ARHGAP8: variants seen among roughly 807,000 people sequenced by gnomAD.
The protein encoded by ARHGAP8 is Rho GTPase activating protein 8, also known as rho GTPase-activating protein 8.
In ARHGAP8, 62 loss-of-function variants were observed where a neutral mutation model predicts 46.1. The ratio of observed to expected loss-of-function variants is 1.34; its 90% CI spans 1.10 to 1.66. The LOEUF (loss-of-function observed/expected upper bound fraction) is 1.66, where lower values mean the gene tolerates loss of function less well. Ranked by LOEUF, ARHGAP8 falls within the 40% of genes most tolerant of loss-of-function variation. The pLI is 0.00. For missense variants in ARHGAP8, 923 were observed against 568.4 expected (o/e 1.62, Z -6.34); for synonymous variants, 375 against 243.1 (o/e 1.54, Z -5.05).
At chr22:44,852,494 G>C (rs569209620) in intron 10 of ARHGAP8, among the ~76,000 whole-genome samples, 93 of 152,188 alleles carry the variant, frequency 6.1e-4, no homozygotes, top group Non-Finnish European at 1.1e-3. Context: ...GCATGCCCAG[G>C]CTCCATATTT....
intron 10 of ARHGAP8, among the ~76,000 whole-genome samples, chr22:44,855,819 G>A (rs1476161209): frequency 6.6e-6 from 1 of 152,180 alleles, no homozygotes; most frequent in African/African-American, 2.4e-5. Context: ...CTGTCGCCGA[G>A]TCTGTGTTGC....
At chr22:44,860,369 CCTTCCTGGCCTCTCCCA>C in intron 11 of ARHGAP8, among the ~76,000 whole-genome samples, 1 of 152,226 alleles carries the variant, frequency 6.6e-6, no homozygotes, top group Middle Eastern at 3.4e-3. Flanking sequence ...GGAAGGTTCC[CCTTCCTGGCCTCTCCCA>C]GCTCCTGGTC....
At position 44,772,253 on chromosome 22, in the gene ARHGAP8, T is replaced by C. The variant is rs544299048; in HGVS notation, c.-71-14204T>C. On this transcript the variant is annotated intron_variant, in intron 1 of 11. Transcript: ENST00000356099. ...TTTTTTTTTTTTTTTTTTTTTTTTT[T>C]CAAGACTGAGTCTCTGTTGCCCAGG... Among the ~76,000 whole-genome samples the C allele has an allele frequency of 7.2e-3, 528 of 73,172 alleles. 6 individuals are homozygous for C. The highest frequency in any genetic ancestry group is 0.021 in the Middle Eastern group (2 of 96). The allele number at this position is 73,172 out of a possible 152,430, so 48.0% of individuals were successfully genotyped here.
chr22:44,816,062 G>A (rs1287332887), intron 5 of ARHGAP8, among the ~76,000 whole-genome samples: 3 of 152,132 alleles, frequency 2.0e-5, no homozygotes, highest in African/African-American at 7.2e-5. Context: ...CTGGGGACAG[G>A]GAGGCGCATC....
chr22:44,852,771 T>G (rs911317317), intron 10 of ARHGAP8, among the ~76,000 whole-genome samples: 6 of 152,144 alleles, frequency 3.9e-5, no homozygotes, highest in African/African-American at 1.4e-4. Context: ...GAACAAACCA[T>G]AAGTTCCGGG....
intron 7 of ARHGAP8, among the ~76,000 whole-genome samples, chr22:44,828,425 ATTTTTTTTTTT>A (rs535537198): frequency 8.5e-6 from 1 of 118,258 alleles, no homozygotes; most frequent in Non-Finnish European, 1.7e-5. Flanking sequence ...GCAGACCAGA[ATTTTTTTTTTT>A]TTTTTTTTTT....
At chr22:44,778,461 G>A (rs755412015) in intron 1 of ARHGAP8, among the ~76,000 whole-genome samples, 8 of 152,070 alleles carry the variant, frequency 5.3e-5, no homozygotes, top group Admixed American at 2.6e-4. Context: ...ACATTTTTGC[G>A]ATTGCGAATT....
At chr22:44,800,958 G>A (rs1301470124) in intron 2 of ARHGAP8, among the ~76,000 whole-genome samples, 1 of 4,384 alleles carries the variant, frequency 2.3e-4, no homozygotes, top group Non-Finnish European at 3.8e-4. Flanking sequence ...TGTGGGGGCC[G>A]CCTCTCCCCG....
chr22:44,827,835 G>T (rs1427515911), intron 7 of ARHGAP8, among the ~76,000 whole-genome samples: 10 of 152,106 alleles, frequency 6.6e-5, no homozygotes, highest in Admixed American at 1.3e-4. Flanking sequence ...GAGTGCAAAT[G>T]TGAAGTTGGC....
intron 1 of ARHGAP8, among the ~76,000 whole-genome samples, chr22:44,777,443 G>A (rs1926506885): frequency 6.6e-6 from 1 of 151,974 alleles, no homozygotes; most frequent in Non-Finnish European, 1.5e-5. Context: ...TTTCTCACTA[G>A]CCAGGTAGGT....
chr22:44,809,144 A>G (rs958380243), intron 4 of ARHGAP8: 30 of 470,908 alleles, frequency 6.4e-5, no homozygotes, highest in Non-Finnish European at 1.1e-4. Flanking sequence ...TTAAAGGGCC[A>G]GACAGTCAGC....
intron 10 of ARHGAP8, among the ~76,000 whole-genome samples, chr22:44,853,896 A>C (rs543302174): frequency 2.6e-5 from 4 of 151,750 alleles, no homozygotes; most frequent in African/African-American, 4.8e-5. Context: ...GCATGGTGGC[A>C]TGCACCTGTA....
At chr22:44,828,328 A>T in intron 7 of ARHGAP8, among the ~76,000 whole-genome samples, 1 of 151,938 alleles carries the variant, frequency 6.6e-6, no homozygotes, top group Non-Finnish European at 1.5e-5. Flanking sequence ...GCCGCCCAGG[A>T]ATGCTGGGCG....
chr22:44,772,260 TGAGTC>T (rs1926082663), intron 1 of ARHGAP8, among the ~76,000 whole-genome samples: 1 of 69,506 alleles, frequency 1.4e-5, no homozygotes, highest in Non-Finnish European at 2.8e-5. Flanking sequence ...TTTTCAAGAC[TGAGTC>T]TCTGTTGCCC....
chr22:44,822,155 C>T (rs1930196476), intron 5 of ARHGAP8, among the ~76,000 whole-genome samples: 1 of 152,136 alleles, frequency 6.6e-6, no homozygotes, highest in Admixed American at 6.5e-5. Context: ...GCCACTCCAG[C>T]GTGTTTGGTG....
At chr22:44,812,247 A>C (rs189604672) in intron 4 of ARHGAP8, among the ~76,000 whole-genome samples, 1 of 152,030 alleles carries the variant, frequency 6.6e-6, no homozygotes, top group Non-Finnish European at 1.5e-5. Context: ...CTGGAAGCTC[A>C]GTCTCAGGGT....
chr22:44,798,498 T>C (rs1928254136), intron 2 of ARHGAP8, among the ~76,000 whole-genome samples: 1 of 151,138 alleles, frequency 6.6e-6, no homozygotes, highest in African/African-American at 2.4e-5. Flanking sequence ...CTGTTTCCAG[T>C]GTCACATTCT....
At chr22:44,855,193 A>G (rs1336662389) in intron 10 of ARHGAP8, among the ~76,000 whole-genome samples, 1 of 152,190 alleles carries the variant, frequency 6.6e-6, no homozygotes, top group African/African-American at 2.4e-5. Flanking sequence ...ACATGCGTAG[A>G]CATAACATAG....
chr22:44,830,367 C>T (rs774176565), intron 7 of ARHGAP8, among the ~76,000 whole-genome samples: 25 of 148,912 alleles, frequency 1.7e-4, no homozygotes, highest in Non-Finnish European at 3.0e-4. Context: ...AATCTCGCTC[C>T]ATCACCTAGG....
Sources: gnomAD v4.1 joint callset for allele counts (sites outside exome capture counted in the v4.1 genomes callset) on GRCh38, gnomAD v4.1.1 for gene constraint, MANE v1.5 for transcripts, NCBI Gene and HGNC (gene_info 2026-07-23, HGNC 2026-07-21) for gene names.